ELMO1: variants seen among roughly 807,000 people sequenced by gnomAD.
ELMO1 encodes engulfment and cell motility protein 1.
ELMO1 carries 26 observed loss-of-function variants against 98.9 expected under a neutral mutation model. That is an observed-to-expected ratio of 0.26 (90% CI 0.19 to 0.36). The LOEUF is 0.36. ELMO1 is among the 10% of genes least tolerant of loss of function. The pLI, the probability that ELMO1 is intolerant of heterozygous loss-of-function variation, is 1.00. For missense variants in ELMO1, 627 were observed against 935.2 expected, an observed-to-expected ratio of 0.67 and a Z score of 4.30; for synonymous variants, 346 against 346.0, an observed-to-expected ratio of 1.00 and a Z score of 0.00.
Position 37,342,336 on chromosome 7 carries a change from C to G in ELMO1, c.78+277G>C, listed in dbSNP as rs1317991434. ...GATGGGGCAGCCTCCACTGTGTCAA[C>G]TGCCCAGGGCCCGATCCACTTGTCC... On this transcript the variant is annotated intron_variant, in intron 2 of 21. Coordinates refer to ENST00000310758, the MANE Select transcript of ELMO1 (RefSeq NM_014800.11). The surrounding 1 kb of genome is among the most constrained non-coding windows in gnomAD (Gnocchi z 4.3). Among the ~76,000 whole-genome samples the G allele has an allele frequency of 2.0e-5, 3 of 152,232 alleles. No homozygotes were observed. Among genetic ancestry groups the G allele is most frequent in the African/African-American group, 7.2e-5 (3 of 41,468 alleles).
At chr7:36,990,745 A>G (rs1791819478) in intron 16 of ELMO1, among the ~76,000 whole-genome samples, 2 of 152,152 alleles carry the variant, frequency 1.3e-5, no homozygotes. Flanking sequence ...ATACCTTTGT[A>G]ATACTTTTTA....
At chr7:37,190,115 G>A (rs564047696) in intron 13 of ELMO1, among the ~76,000 whole-genome samples, 4 of 150,922 alleles carry the variant, frequency 2.7e-5, no homozygotes, top group Non-Finnish European at 4.4e-5. Flanking sequence ...AGCAGCAAAG[G>A]CTCTTTATCA....
intron 1 of ELMO1, among the ~76,000 whole-genome samples, chr7:37,381,064 G>A (rs149010926): frequency 2.4e-4 from 37 of 152,306 alleles, no homozygotes; most frequent in Non-Finnish European, 5.0e-4. Context: ...AAACATGCCC[G>A]TCAGGCAACT....
Position 37,390,664 on chromosome 7 carries a change from C to T in ELMO1, c.-73-47901G>A, listed in dbSNP as rs149554005. Among the ~76,000 whole-genome samples the T allele has an allele frequency of 5.2e-3, 790 of 152,296 alleles. 1 individual carries two copies. The highest frequency in any genetic ancestry group is 9.1e-3 in the Non-Finnish European group (616 of 68,032). ...AAAAAAATCAAACAGATATCAAAGACTAATGTCAGAGTTCATATAGGGCTT... is the reference window on the plus strand; with the variant it reads ...AAAAAAATCAAACAGATATCAAAGATTAATGTCAGAGTTCATATAGGGCTT... On this transcript the variant is annotated intron_variant, in intron 1 of 21. Transcript: ENST00000310758.
intron 1 of ELMO1, among the ~76,000 whole-genome samples, chr7:37,364,584 T>C (rs972445482): frequency 3.3e-4 from 8 of 24,388 alleles, no homozygotes. Flanking sequence ...GCTGGCTTAA[T>C]TTTTTTTTTT....
At chr7:37,010,219 C>T (rs567505836) in intron 16 of ELMO1, among the ~76,000 whole-genome samples, 2 of 139,334 alleles carry the variant, frequency 1.4e-5, no homozygotes, top group African/African-American at 2.7e-5. Context: ...CTCCTCTGTC[C>T]GTGTTTCATT....
In ELMO1 at chr7:37,431,052, C is replaced by A. The variant is rs529806773; in HGVS notation, c.-74+17623G>T. Among the ~76,000 whole-genome samples, 6 of 152,198 alleles carry A rather than the reference C, an allele frequency of 3.9e-5. 1 individual carries two copies. The South Asian group carries it at 1.2e-3, about 32-fold the overall frequency. ...CAACACAGCAATCAGAACAGTCTAC[C>A]TTGGCCAGGTGCAGTGGCTCCTTCC... On this transcript the variant is annotated intron_variant, in intron 1 of 21. Coordinates refer to ENST00000310758, the MANE Select transcript of ELMO1 (RefSeq NM_014800.11).
chr7:37,289,851 G>A (rs1797586167), intron 4 of ELMO1, among the ~76,000 whole-genome samples: 2 of 152,144 alleles, frequency 1.3e-5, no homozygotes, highest in Admixed American at 6.6e-5. Context: ...TGTCAGAGGA[G>A]AGAGTTAAAC....
intron 1 of ELMO1, among the ~76,000 whole-genome samples, chr7:37,408,788 G>A (rs1169717914): frequency 6.6e-6 from 1 of 152,072 alleles, no homozygotes; most frequent in Non-Finnish European, 1.5e-5. Flanking sequence ...TTTTTCAGTG[G>A]GTATAGATTT....
In ELMO1 at chr7:36,951,288, T is replaced by C. The variant is rs1787944698; in HGVS notation, c.1438-56271A>G. Among the ~76,000 whole-genome samples the C allele has an allele frequency of 1.3e-5, 2 of 152,200 alleles. 1 individual carries two copies. The highest frequency in any genetic ancestry group is 4.1e-4 in the South Asian group (2 of 4,828). The stretch of plus-strand genomic sequence containing the variant: ...GCTTCTTAACTAGGTTAAAATCCTA[T>C]CCCTTCACTTTGGTCTGCAAGAGCC... On this transcript the variant is annotated intron_variant, in intron 16 of 21. Coordinates refer to ENST00000310758, the MANE Select transcript of ELMO1 (RefSeq NM_014800.11).
chr7:37,292,811 G>A (rs200448670), intron 4 of ELMO1, among the ~76,000 whole-genome samples: 6 of 69,046 alleles, frequency 8.7e-5, no homozygotes, highest in East Asian at 4.7e-4. Context: ...CCCCCCGCCC[G>A]GCCAGCCGCC....
chr7:37,085,917 T>G (rs1363328351), intron 15 of ELMO1, among the ~76,000 whole-genome samples: 1 of 152,240 alleles, frequency 6.6e-6, no homozygotes, highest in Non-Finnish European at 1.5e-5. Context: ...ATATAACCAC[T>G]GGGATTTTAG....
At position 37,032,017 on chromosome 7, in the gene ELMO1, G is replaced by A. The variant is rs988985121; in HGVS notation, c.1301-18582C>T. On this transcript the variant is annotated intron_variant, in intron 15 of 21. Transcript: ENST00000310758. ...ATCATCATATTGCACCAGGAAGCGC[G>A]CCCTTCCAGATTTAAAAATATACTT... Among the ~76,000 whole-genome samples the A allele has an allele frequency of 4.6e-5, 7 of 152,174 alleles. No homozygotes were observed. The East Asian group carries it at 9.7e-4, about 21-fold the overall frequency.
intron 15 of ELMO1, among the ~76,000 whole-genome samples, chr7:37,084,819 T>C (rs1241476193): frequency 6.6e-6 from 1 of 151,826 alleles, no homozygotes; most frequent in Non-Finnish European, 1.5e-5. Context: ...TGCAGTGGCA[T>C]GATGTTGGCT....
At chr7:37,199,180 T>C (rs968208107) in intron 13 of ELMO1, among the ~76,000 whole-genome samples, 3 of 152,200 alleles carry the variant, frequency 2.0e-5, no homozygotes, top group Non-Finnish European at 4.4e-5. Flanking sequence ...TGGTGTTCAA[T>C]AACCATTCCT....
intron 6 of ELMO1, among the ~76,000 whole-genome samples, chr7:37,257,270 C>T (rs1795715798): frequency 2.0e-5 from 3 of 152,206 alleles, no homozygotes; most frequent in Admixed American, 2.0e-4. Context: ...ACAGTTCACA[C>T]TCATCTCCTC....
chr7:37,122,808 C>T (rs914569780), intron 14 of ELMO1, among the ~76,000 whole-genome samples: 1 of 152,212 alleles, frequency 6.6e-6, no homozygotes, highest in Non-Finnish European at 1.5e-5. Flanking sequence ...ACAGAACTCT[C>T]CACCCCAAAT....
intron 13 of ELMO1, among the ~76,000 whole-genome samples, chr7:37,175,739 C>T (rs1210418193): frequency 6.6e-6 from 1 of 152,092 alleles, no homozygotes; most frequent in African/African-American, 2.4e-5. Context: ...CCCAGCTACT[C>T]GGGAGGCTGA....
chr7:37,123,547 T>C lies in ELMO1; in HGVS notation c.1191+9583A>G, dbSNP rs565009832. Among the ~76,000 whole-genome samples the C allele has an allele frequency of 7.9e-5, 12 of 152,252 alleles. 1 individual carries two copies. In the South Asian group the frequency reaches 2.5e-3, roughly 32 times the overall value. On this transcript the variant is annotated intron_variant, in intron 14 of 21. Coordinates refer to ENST00000310758, the MANE Select transcript of ELMO1 (RefSeq NM_014800.11). ...AACTAGAAAATCTAGAAGAAATGGA[T>C]AAATTCCTCGACACATACACCCTCC...
Sources: gnomAD v4.1 joint callset for allele counts (sites outside exome capture counted in the v4.1 genomes callset) on GRCh38, gnomAD v4.1.1 for gene constraint, Gnocchi (gnomAD v3.1) non-coding constraint, MANE v1.5 for transcripts, NCBI Gene and HGNC (gene_info 2026-07-23, HGNC 2026-07-21) for gene names.